Variants in CTNND2 observed in about 807,000 individuals in gnomAD.
CTNND2 encodes catenin delta 2, also known as catenin delta-2.
Under a neutral mutation model 144.4 loss-of-function variants are expected in CTNND2, and 22 were observed. That is an observed-to-expected ratio of 0.15 (90% CI 0.11 to 0.22). The LOEUF (loss-of-function observed/expected upper bound fraction) is 0.22, where lower values mean the gene tolerates loss of function less well. Among genes scored for constraint, CTNND2 ranks in the 10% least tolerant of loss-of-function variants. CTNND2 has a pLI of 1.00. For missense variants in CTNND2, 1,353 were observed against 1,618.8 expected, an observed-to-expected ratio of 0.84 and a Z score of 2.82; for synonymous variants, 751 against 695.6, an observed-to-expected ratio of 1.08 and a Z score of -1.25.
At chr5:11,345,249 C>G (rs576003236) in intron 9 of CTNND2, among the ~76,000 whole-genome samples, 86 of 152,258 alleles carry the variant, frequency 5.6e-4, no homozygotes, top group African/African-American at 1.9e-3. Context: ...GACTGAAAAT[C>G]TAGATAACCA....
At chr5:11,350,333 C>T (rs1755197295) in intron 8 of CTNND2, among the ~76,000 whole-genome samples, 1 of 151,772 alleles carries the variant, frequency 6.6e-6, no homozygotes, top group Non-Finnish European at 1.5e-5. Flanking sequence ...GCCAAATAAA[C>T]CTAACTTTGT....
intron 8 of CTNND2, among the ~76,000 whole-genome samples, chr5:11,359,695 TGCAG>T: frequency 6.6e-6 from 1 of 152,172 alleles, no homozygotes. Context: ...GGGCCAGGGA[TGCAG>T]GCATTGCTGT....
intron 1 of CTNND2, among the ~76,000 whole-genome samples, chr5:11,892,742 T>C (rs999972045): frequency 2.6e-5 from 4 of 151,406 alleles, no homozygotes; most frequent in African/African-American, 9.7e-5. Flanking sequence ...CACATCTCAA[T>C]TAGCTAAAAT....
chr5:11,661,001 T>C (rs953380848), intron 2 of CTNND2, among the ~76,000 whole-genome samples: 2 of 152,138 alleles, frequency 1.3e-5, no homozygotes, highest in African/African-American at 2.4e-5. Flanking sequence ...GATCAGAGAA[T>C]TATTTGAGTA....
chr5:11,180,137 G>A lies in CTNND2; in HGVS notation c.1975+19311C>T, dbSNP rs141345052. Among the ~76,000 whole-genome samples, 24 of 152,236 alleles carry A rather than the reference G, an allele frequency of 1.6e-4. No homozygotes were observed. In the East Asian group the frequency reaches 4.1e-3, roughly 26 times the overall value. On this transcript the variant is annotated intron_variant, in intron 11 of 21. Coordinates refer to ENST00000304623, the MANE Select transcript of CTNND2 (RefSeq NM_001332.4). The stretch of plus-strand genomic sequence containing the variant: ...CTGGTGGGAGGTGACTGCATCATGG[G>A]GGGTGGTTTCCCCCATGCTGTTCTT...
intron 12 of CTNND2, among the ~76,000 whole-genome samples, chr5:11,128,731 A>ATATATATATT (rs548781313): frequency 0.053 from 2,925 of 55,094 alleles, 103 homozygotes; most frequent in South Asian, 0.12. Context: ...CATATATATA[A>ATATATATATT]TATATATATT....
intron 16 of CTNND2, among the ~76,000 whole-genome samples, chr5:11,053,876 G>T (rs960793963): frequency 6.6e-6 from 1 of 152,128 alleles, no homozygotes; most frequent in African/African-American, 2.4e-5. Flanking sequence ...TTTACCAGTG[G>T]GCTTCTTGGA....
chr5:11,482,069 G>C (rs1768322184), intron 3 of CTNND2, among the ~76,000 whole-genome samples: 1 of 152,158 alleles, frequency 6.6e-6, no homozygotes, highest in African/African-American at 2.4e-5. Context: ...AGTTCAAAAG[G>C]TATTCTAGAG....
chr5:11,154,993 T>C (rs1450618761), intron 12 of CTNND2, among the ~76,000 whole-genome samples: 3 of 152,258 alleles, frequency 2.0e-5, no homozygotes, highest in Non-Finnish European at 4.4e-5. Context: ...CTGATCTTCA[T>C]GAACTAATTG....
chr5:11,598,208 C>A (rs1218626872), intron 2 of CTNND2, among the ~76,000 whole-genome samples: 3 of 152,142 alleles, frequency 2.0e-5, no homozygotes, highest in Admixed American at 2.0e-4. Context: ...TATCTATAAT[C>A]ATTTATAGTT....
intron 2 of CTNND2, among the ~76,000 whole-genome samples, chr5:11,676,640 T>A (rs1784190142): frequency 6.6e-6 from 1 of 152,134 alleles, no homozygotes; most frequent in Admixed American, 6.6e-5. Context: ...AGCTATTTTT[T>A]CAATACCTGA....
intron 2 of CTNND2, among the ~76,000 whole-genome samples, chr5:11,654,363 G>C (rs1371133791): frequency 6.6e-6 from 1 of 152,044 alleles, no homozygotes; most frequent in Admixed American, 6.6e-5. Context: ...TCCAATCCAT[G>C]AGCATGGGTT....
intron 6 of CTNND2, among the ~76,000 whole-genome samples, chr5:11,391,591 C>T (rs1268945832): frequency 1.3e-5 from 2 of 152,170 alleles, no homozygotes; most frequent in Non-Finnish European, 2.9e-5. Context: ...AATCGTCTTC[C>T]AAAGGAATGC....
At chr5:11,281,699 C>T (rs77360458) in intron 9 of CTNND2, among the ~76,000 whole-genome samples, 6,181 of 152,258 alleles carry the variant, frequency 0.041, 187 homozygotes, top group African/African-American at 0.083. Flanking sequence ...GCCTCCTCCC[C>T]ACCCACTCAC....
chr5:11,329,022 G>C (rs548591026), intron 9 of CTNND2, among the ~76,000 whole-genome samples: 2 of 152,308 alleles, frequency 1.3e-5, no homozygotes, highest in African/African-American at 4.8e-5. Context: ...TTGGCTTGTA[G>C]ATGAACAAAT....
chr5:11,472,013 G>C (rs1042150319), intron 3 of CTNND2, among the ~76,000 whole-genome samples: 1 of 152,120 alleles, frequency 6.6e-6, no homozygotes, highest in African/African-American at 2.4e-5. Context: ...TTTCAGAAGC[G>C]AACACTGTCA....
intron 16 of CTNND2, among the ~76,000 whole-genome samples, chr5:11,072,508 A>G (rs956825654): frequency 2.0e-5 from 3 of 152,274 alleles, no homozygotes; most frequent in African/African-American, 2.4e-5. Flanking sequence ...AAGTTTCCCA[A>G]ATGGACAGTA....
At chr5:11,010,340 G>A (rs1740946845) in intron 18 of CTNND2, among the ~76,000 whole-genome samples, 1 of 152,258 alleles carries the variant, frequency 6.6e-6, no homozygotes, top group East Asian at 1.9e-4. Flanking sequence ...GCAACATATT[G>A]GAAGACATAT....
At chr5:11,867,713 G>T (rs1047384010) in intron 1 of CTNND2, among the ~76,000 whole-genome samples, 3 of 152,064 alleles carry the variant, frequency 2.0e-5, no homozygotes. Flanking sequence ...CAAAGACACT[G>T]ACCCTAAATC....
Sources: allele counts gnomAD v4.1 joint callset (sites outside exome capture counted in the v4.1 genomes callset), GRCh38; gene constraint gnomAD v4.1.1; transcripts MANE v1.5; gene names NCBI Gene and HGNC (gene_info 2026-07-23, HGNC 2026-07-21).